Variants in BNC2 observed in about 807,000 individuals in gnomAD.
BNC2 encodes zinc finger protein basonuclin-2.
A neutral mutation model predicts 76.3 loss-of-function variants in BNC2; 20 were observed. The observed-to-expected ratio is 0.26, with a 90% CI of 0.18 to 0.38. The LOEUF is 0.38. Ranked by LOEUF, BNC2 falls within the 10% of genes least tolerant of loss-of-function variation. The probability of loss-of-function intolerance (pLI) is 1.00; values close to 1 mark genes in which losing one functional copy is unlikely to be tolerated. For missense variants in BNC2, 1,382 were observed against 1,399.8 expected (o/e 0.99, Z 0.20); for synonymous variants, 582 against 514.8 (o/e 1.13, Z -1.77).
At chr9:16,471,642 C>T (rs1821828135) in intron 5 of BNC2, among the ~76,000 whole-genome samples, 1 of 152,170 alleles carries the variant, frequency 6.6e-6, no homozygotes. Flanking sequence ...TTAGCCTTGT[C>T]TCAGATGAGA....
chr9:16,461,257 T>C (rs571185918), intron 5 of BNC2, among the ~76,000 whole-genome samples: 15 of 152,274 alleles, frequency 9.9e-5, no homozygotes, highest in African/African-American at 2.6e-4. Context: ...GATCTCTTTG[T>C]TGGGGCTGTG....
intron 5 of BNC2, among the ~76,000 whole-genome samples, chr9:16,454,155 C>A (rs1320866871): frequency 6.6e-6 from 1 of 151,992 alleles, no homozygotes; most frequent in Non-Finnish European, 1.5e-5. Flanking sequence ...TTTTTAATCA[C>A]ATTCTATTTT....
intron 3 of BNC2, among the ~76,000 whole-genome samples, chr9:16,719,096 G>T (rs1299579918): frequency 6.6e-6 from 1 of 152,158 alleles, no homozygotes; most frequent in Non-Finnish European, 1.5e-5. Context: ...GTTAGGTTCT[G>T]GCATGAGGTC....
At chr9:16,451,399 A>G (rs1396593872) in intron 5 of BNC2, among the ~76,000 whole-genome samples, 1 of 152,206 alleles carries the variant, frequency 6.6e-6, no homozygotes. Flanking sequence ...TTTCAAAAAC[A>G]TGAGGTTGGG....
At chr9:16,694,616 T>A (rs988318455) in intron 3 of BNC2, among the ~76,000 whole-genome samples, 9 of 152,146 alleles carry the variant, frequency 5.9e-5, no homozygotes, top group African/African-American at 1.9e-4. Flanking sequence ...CCAAGGCTCA[T>A]AATGTAGCAT....
At chr9:16,849,352 ATTTTTT>A (rs35561834) in intron 1 of BNC2, among the ~76,000 whole-genome samples, 3 of 90,108 alleles carry the variant, frequency 3.3e-5, no homozygotes, top group East Asian at 3.3e-4. Context: ...CATGCAAAAG[ATTTTTT>A]TTTTTTTTTT....
chr9:16,675,143 C>T (rs533242838), intron 3 of BNC2, among the ~76,000 whole-genome samples: 1 of 152,184 alleles, frequency 6.6e-6, no homozygotes, highest in Non-Finnish European at 1.5e-5. Flanking sequence ...AAAATGTAGC[C>T]TCCTTGCATT....
chr9:16,601,635 G>A (rs1820247185), intron 3 of BNC2, among the ~76,000 whole-genome samples: 1 of 152,228 alleles, frequency 6.6e-6, no homozygotes, highest in South Asian at 2.1e-4. Context: ...TGATGGAGAG[G>A]GGAAGAGGAA....
chr9:16,510,121 G>A (rs1822719092), intron 5 of BNC2, among the ~76,000 whole-genome samples: 2 of 152,238 alleles, frequency 1.3e-5, no homozygotes, highest in South Asian at 2.1e-4. Flanking sequence ...CGGTCAGGGA[G>A]ACCTCTGTTA....
chr9:16,778,764 G>C (rs1037778156), intron 1 of BNC2, among the ~76,000 whole-genome samples: 1 of 152,076 alleles, frequency 6.6e-6, no homozygotes, highest in Non-Finnish European at 1.5e-5. Context: ...TGAAATCTCA[G>C]ATGCCCAAAC....
intron 1 of BNC2, among the ~76,000 whole-genome samples, chr9:16,810,699 T>C (rs1344239605): frequency 6.6e-6 from 1 of 152,138 alleles, no homozygotes; most frequent in Non-Finnish European, 1.5e-5. Context: ...ATAGTAAGGA[T>C]AAGTTCATGC....
chr9:16,669,786 A>G (rs552517323), intron 3 of BNC2, among the ~76,000 whole-genome samples: 2 of 152,330 alleles, frequency 1.3e-5, no homozygotes, highest in Admixed American at 1.3e-4. Flanking sequence ...AAGAAATCAG[A>G]TACCACGGAA....
At chr9:16,685,074 A>C (rs1822935569) in intron 3 of BNC2, among the ~76,000 whole-genome samples, 1 of 152,164 alleles carries the variant, frequency 6.6e-6, no homozygotes, top group African/African-American at 2.4e-5. Flanking sequence ...AGCATGACTT[A>C]CTCACATATA....
chr9:16,617,846 C>T (rs1239397165), intron 3 of BNC2, among the ~76,000 whole-genome samples: 1 of 152,212 alleles, frequency 6.6e-6, no homozygotes. Flanking sequence ...TGATGATGAA[C>T]TTGGGTGCCC....
intron 5 of BNC2, among the ~76,000 whole-genome samples, chr9:16,531,251 A>ACT (rs1817965722): frequency 1.3e-5 from 2 of 152,140 alleles, no homozygotes; most frequent in Non-Finnish European, 2.9e-5. Flanking sequence ...TACTTAAACC[A>ACT]AACACTCTCT....
intron 5 of BNC2, among the ~76,000 whole-genome samples, chr9:16,442,111 G>C (rs1821140729): frequency 6.6e-6 from 1 of 152,018 alleles, no homozygotes; most frequent in South Asian, 2.1e-4. Flanking sequence ...AACCCTTCAG[G>C]TTGAAAAATG....
intron 3 of BNC2, among the ~76,000 whole-genome samples, chr9:16,714,110 G>C (rs551418121): frequency 6.6e-6 from 1 of 152,198 alleles, no homozygotes; most frequent in South Asian, 2.1e-4. Context: ...TACTAATTTC[G>C]GTTTACTGTA....
intron 6 of BNC2, chr9:16,429,783 G>C (rs547355297): frequency 6.1e-5 from 21 of 344,134 alleles, no homozygotes; most frequent in African/African-American, 4.5e-4. Flanking sequence ...GAAGCTTTGT[G>C]GTCTATTTGG....
At chr9:16,816,424 T>A (rs1442040135) in intron 1 of BNC2, among the ~76,000 whole-genome samples, 1 of 152,190 alleles carries the variant, frequency 6.6e-6, no homozygotes, top group East Asian at 1.9e-4. Flanking sequence ...CACAGGCCAG[T>A]TCTGCGCTGT....
Sources: allele counts gnomAD v4.1 joint callset (sites outside exome capture counted in the v4.1 genomes callset), GRCh38; gene constraint gnomAD v4.1.1; transcripts MANE v1.5; gene names NCBI Gene and HGNC (gene_info 2026-07-23, HGNC 2026-07-21).